Variants in LRP8 observed in about 807,000 individuals in gnomAD.
The protein encoded by LRP8 is LDL receptor related protein 8.
LRP8 carries 46 observed loss-of-function variants against 111.6 expected under a neutral mutation model. The observed-to-expected ratio is 0.41, with a 90% CI of 0.33 to 0.53. LRP8 has a LOEUF of 0.53. Among genes scored for constraint, LRP8 ranks in the 20% least tolerant of loss-of-function variants. The probability of loss-of-function intolerance (pLI) is 0.20; values close to 1 mark genes in which losing one functional copy is unlikely to be tolerated. For missense variants in LRP8, 959 were observed against 1,297.4 expected, an observed-to-expected ratio of 0.74 and a Z score of 4.01; for synonymous variants, 464 against 511.2, an observed-to-expected ratio of 0.91 and a Z score of 1.24.
chr1:53,296,346 TA>T (rs1434670744), intron 2 of LRP8, among the ~76,000 whole-genome samples: 3 of 152,118 alleles, frequency 2.0e-5, no homozygotes, highest in Admixed American at 1.3e-4. Context: ...AGAGCAAAGG[TA>T]AAGCCCCTAA....
At chr1:53,286,388 G>GC (rs917881303) in intron 3 of LRP8, among the ~76,000 whole-genome samples, 1 of 152,154 alleles carries the variant, frequency 6.6e-6, no homozygotes, top group Non-Finnish European at 1.5e-5. Context: ...AATCAGAGAG[G>GC]CCCCCCTCCC....
chr1:53,250,727 A>G lies in LRP8; in HGVS notation c.2639T>C (p.Ile880Thr), dbSNP rs1350148971. The G allele has an allele frequency of 6.2e-7, 1 of 1,612,112 alleles. No homozygotes were observed. Among genetic ancestry groups the G allele is most frequent in the South Asian group, 1.1e-5 (1 of 91,068 alleles). Reference sequence around the variant, plus strand: ...ATGGCCAATCTGAGCAGTTCTCCCTATATGGAGCTCATCTTCGTCTTCTTC... The same window carrying G: ...ATGGCCAATCTGAGCAGTTCTCCCTGTATGGAGCTCATCTTCGTCTTCTTC... ...TEEEDEDELH[I>T]GRTAQIGHVY... Residue 880 changes from isoleucine to threonine, a missense_variant, in exon 17 of 19, where the codon ATA (isoleucine) becomes ACA (threonine). Transcript: ENST00000306052. The surrounding 1 kb of genome is among the most constrained non-coding windows in gnomAD (Gnocchi z 4.6).
Position 53,266,781 on chromosome 1 carries a change from A to C in LRP8, c.1253-134T>G. Reference sequence around the variant, plus strand: ...ATAGTAGTGACAATTCCTACTTTACAGGTTGCAGGAGCAGATGAAATAATG... The same window carrying C: ...ATAGTAGTGACAATTCCTACTTTACCGGTTGCAGGAGCAGATGAAATAATG... On this transcript the variant is annotated intron_variant, in intron 8 of 18. Transcript: ENST00000306052. The surrounding 1 kb of genome is among the most constrained non-coding windows in gnomAD (Gnocchi z 5.0). 1.4e-6 allele frequency: 1 copy of C among 720,414 alleles called. No individual in the cohort carries two copies. The highest frequency in any genetic ancestry group is 2.4e-6 in the Non-Finnish European group (1 of 422,050). The allele number at this position is 720,414 out of a possible 1,614,324, so 44.6% of individuals were successfully genotyped here.
Position 53,262,785 on chromosome 1 carries a change from C to T in LRP8, c.1656-221G>A, listed in dbSNP as rs1646394768. On this transcript the variant is annotated intron_variant, in intron 10 of 18. Coordinates refer to ENST00000306052, the MANE Select transcript of LRP8 (RefSeq NM_004631.5). The surrounding 1 kb of genome is among the most constrained non-coding windows in gnomAD (Gnocchi z 4.8). The stretch of plus-strand genomic sequence containing the variant: ...AGGAAAACTATTCTCCGAGATTGCA[C>T]CCAGACTCAGCTGAATAGCCTGTGA... Among the ~76,000 whole-genome samples the T allele has an allele frequency of 6.6e-6, 1 of 152,212 alleles. No homozygotes were observed. Among genetic ancestry groups the T allele is most frequent in the African/African-American group, 2.4e-5 (1 of 41,450 alleles).
At chr1:53,324,127 T>C (rs1557876374) in intron 2 of LRP8, among the ~76,000 whole-genome samples, 1 of 152,084 alleles carries the variant, frequency 6.6e-6, no homozygotes, top group Non-Finnish European at 1.5e-5. Flanking sequence ...TGGTCAGGGG[T>C]AAGGCACGGA....
intron 2 of LRP8, among the ~76,000 whole-genome samples, chr1:53,310,730 G>C (rs559006530): frequency 6.6e-6 from 1 of 152,268 alleles, no homozygotes; most frequent in South Asian, 2.1e-4. Flanking sequence ...TGAAAATCTT[G>C]GAACCAATTG....
chr1:53,328,022 G>A lies in LRP8; in HGVS notation c.-110C>T, dbSNP rs1158317243. 3 of 488,498 alleles carry A rather than the reference G, an allele frequency of 6.1e-6. No individual in the cohort carries two copies. The highest frequency in any genetic ancestry group is 2.1e-5 in the African/African-American group (1 of 46,948). 30.3% of individuals were successfully genotyped at this position (488,498 alleles called of 1,614,324 possible). A position where few individuals can be genotyped will look rare whatever the true frequency, so the allele number is the denominator to read the frequency against. The stretch of plus-strand genomic sequence containing the variant: ...CGCCGGGGTTGCCGCTGCCCCCGCC[G>A]CCGCCGCCGCCGCCGCTGCCGCCCG... On this transcript the variant is annotated 5_prime_UTR_variant, in exon 1 of 19. Coordinates refer to ENST00000306052, the MANE Select transcript of LRP8 (RefSeq NM_004631.5).
intron 6 of LRP8, among the ~76,000 whole-genome samples, chr1:53,271,619 G>A (rs548495526): frequency 2.3e-4 from 35 of 152,274 alleles, no homozygotes; most frequent in Non-Finnish European, 4.1e-4. Context: ...CTGGGGCTCT[G>A]TCCACCACCA....
intron 2 of LRP8, among the ~76,000 whole-genome samples, chr1:53,312,731 G>C (rs1284617495): frequency 2.0e-5 from 3 of 152,108 alleles, no homozygotes; most frequent in African/African-American, 7.2e-5. Flanking sequence ...GGACCTCCTG[G>C]GGACCTGAGA....
chr1:53,276,621 C>A, intron 5 of LRP8, 71 bp downstream of exon 5: 1 of 1,287,348 alleles, frequency 7.8e-7, no homozygotes, highest in Admixed American at 2.7e-5. Flanking sequence ...GAAGCCTGCA[C>A]CTGGCGGATC....
At chr1:53,248,749 T>C (rs1370067463) in intron 18 of LRP8, among the ~76,000 whole-genome samples, 1 of 152,234 alleles carries the variant, frequency 6.6e-6, no homozygotes, top group Non-Finnish European at 1.5e-5. Flanking sequence ...GCTTATTACT[T>C]GGTCCTTAAC....
At chr1:53,257,140 G>C (rs1646123517) in intron 15 of LRP8, 100 bp downstream of exon 15, 1 of 1,051,502 alleles carries the variant, frequency 9.5e-7, no homozygotes, top group African/African-American at 1.6e-5. Flanking sequence ...AAGATATGCA[G>C]TATTCAGCTC....
rs1646744959 is a variant in LRP8 at position 53,271,039 on chromosome 1, C to T, written c.1241G>A (p.Cys414Tyr). ...GYEMDLLTKNCKAAAGKSPSL... is the reference protein window; with the variant it reads ...GYEMDLLTKNYKAAAGKSPSL... ...TGGGGTGTTCATACCAGCAGCCTTG[C>T]AGTTCTTGGTCAGTAGGTCCATCTC... Residue 414 changes from cysteine to tyrosine, a missense_variant, in exon 8 of 19, where the codon TGC (cysteine) becomes TAC (tyrosine). Cys to Tyr is a radical substitution (Grantham distance 194, BLOSUM62 -2). Around this residue, in one of 3 missense-constraint regions of LRP8, gnomAD observed 819 missense variants for 1,097.6 expected, o/e 0.75. Transcript: ENST00000306052. 6.2e-7 allele frequency: 1 copy of T among 1,613,952 alleles called. No individual in the cohort carries two copies. The highest frequency in any genetic ancestry group is 1.7e-5 in the Admixed American group (1 of 59,982).
intron 2 of LRP8, among the ~76,000 whole-genome samples, chr1:53,309,229 C>T (rs61769650): frequency 0.015 from 2,217 of 152,236 alleles, 25 homozygotes; most frequent in South Asian, 0.054. Context: ...GAGCCGAGAC[C>T]ATGCCATTGC....
In LRP8 at chr1:53,266,749, C is replaced by T. The variant is rs978951700; in HGVS notation, c.1253-102G>A. ...GCTTGCTGGCTGACACATCCATTTT[C>T]CTTAAAATAGTAGTGACAATTCCTA... On this transcript the variant is annotated intron_variant, in intron 8 of 18. Transcript: ENST00000306052. This position sits in a 1 kb window ranked among gnomAD's most constrained non-coding sequence, Gnocchi z 5.0. The T allele has an allele frequency of 2.4e-5, 25 of 1,047,374 alleles. No homozygotes were observed. The African/African-American group carries it at 3.7e-4, about 16-fold the overall frequency. 64.9% of individuals were successfully genotyped at this position (1,047,374 alleles called of 1,614,324 possible). A position where few individuals can be genotyped will look rare whatever the true frequency, so the allele number is the denominator to read the frequency against.
At chr1:53,289,423 A>AATAT (rs757758496) in intron 3 of LRP8, 144 bp downstream of exon 3, 1 of 1,156,008 alleles carries the variant, frequency 8.7e-7, no homozygotes, top group Non-Finnish European at 1.2e-6. Flanking sequence ...CCAGCAACTA[A>AATAT]ATATATCTGT....
At chr1:53,312,686 C>A (rs111679655) in intron 2 of LRP8, among the ~76,000 whole-genome samples, 1 of 152,000 alleles carries the variant, frequency 6.6e-6, no homozygotes, top group African/African-American at 2.4e-5. Flanking sequence ...TTAAGTGAGC[C>A]GTGCCCAGCT....
intron 3 of LRP8, 134 bp from the exon 4 acceptor site, chr1:53,280,849 TCA>T: frequency 9.3e-7 from 1 of 1,077,090 alleles, no homozygotes; most frequent in East Asian, 2.5e-5. Flanking sequence ...GGCCCATGTC[TCA>T]GTTTCATCAG....
chr1:53,324,698 A>G (rs956699613), intron 2 of LRP8, among the ~76,000 whole-genome samples: 10 of 152,112 alleles, frequency 6.6e-5, no homozygotes, highest in South Asian at 2.1e-4. Context: ...CTCTTGGCCC[A>G]CCTGAGCGTC....
Sources: allele counts gnomAD v4.1 joint callset (sites outside exome capture counted in the v4.1 genomes callset), GRCh38; gene constraint gnomAD v4.1.1; regional missense constraint gnomAD v4.1.1; non-coding constraint Gnocchi (gnomAD v3.1); transcripts MANE v1.5; gene names NCBI Gene and HGNC (gene_info 2026-07-23, HGNC 2026-07-21).